The following EXTL2 variants were observed in gnomAD, a reference collection of about 807,000 sequenced individuals.
The protein encoded by EXTL2 is exostosin-like 2.
A neutral mutation model predicts 30.7 loss-of-function variants in EXTL2; 23 were observed. That is an observed-to-expected ratio of 0.75 (90% CI 0.54 to 1.06). The LOEUF (loss-of-function observed/expected upper bound fraction) is 1.06. Among genes scored for constraint, EXTL2 ranks in the 50% least tolerant of loss-of-function variants. The pLI, the probability that EXTL2 is intolerant of heterozygous loss-of-function variation, is 0.00. For synonymous variants in EXTL2, 123 were observed against 133.8 expected (o/e 0.92, Z 0.56); for missense variants, 352 against 396.3 (o/e 0.89, Z 0.95).
At chr1:100,893,831 C>G (rs1350664826) in intron 1 of EXTL2, among the ~76,000 whole-genome samples, 1 of 152,062 alleles carries the variant, frequency 6.6e-6, no homozygotes, top group Admixed American at 6.5e-5. Flanking sequence ...ATCACCATCA[C>G]TTTTTGAAAG....
At chr1:100,879,784 T>A (rs1246820998) in intron 2 of EXTL2, among the ~76,000 whole-genome samples, 1 of 152,178 alleles carries the variant, frequency 6.6e-6, no homozygotes, top group Non-Finnish European at 1.5e-5. Context: ...CCCCTCTTCT[T>A]GGAAAAGTGA....
chr1:100,892,904 A>G (rs1033809025), intron 1 of EXTL2, among the ~76,000 whole-genome samples: 5 of 152,220 alleles, frequency 3.3e-5, no homozygotes, highest in Non-Finnish European at 4.4e-5. Flanking sequence ...GATAAATGCC[A>G]GGGTTGATTA....
At chr1:100,876,217 T>C (rs1439747836) in intron 4 of EXTL2, among the ~76,000 whole-genome samples, 1 of 152,068 alleles carries the variant, frequency 6.6e-6, no homozygotes, top group African/African-American at 2.4e-5. Flanking sequence ...CTAACACATA[T>C]TCAATAGGAG....
At chr1:100,891,138 A>G (rs936740353) in intron 1 of EXTL2, among the ~76,000 whole-genome samples, 2 of 152,224 alleles carry the variant, frequency 1.3e-5, no homozygotes, top group Non-Finnish European at 2.9e-5. Context: ...AATAAAGAAT[A>G]TATCTATATT....
chr1:100,885,230 T>C (rs1649867020), intron 2 of EXTL2, among the ~76,000 whole-genome samples: 1 of 152,180 alleles, frequency 6.6e-6, no homozygotes, highest in African/African-American at 2.4e-5. Context: ...TTTTTTCACA[T>C]CTTTTCAAAG....
At position 100,874,272 on chromosome 1, in the gene EXTL2, T is replaced by A; in HGVS notation, c.663A>T (p.Lys221Asn). The change falls in exon 5 of 5, where the codon AAA becomes AAT. Residue 221 changes from lysine (K) to asparagine (N), a missense_variant. Coordinates refer to ENST00000370114, the MANE Select transcript of EXTL2 (RefSeq NM_001033025.3). ...GTTGCCTCTGAAATAATTCAAGATA[T>A]TTGCTATTGAAGAATGAGGCTCCAA... ...VLIGASFFNS[K>N]YLELFQRQPA... 1 of 1,612,846 alleles carries A rather than the reference T, an allele frequency of 6.2e-7. No individual in the cohort carries two copies. The highest frequency in any genetic ancestry group is 1.7e-5 in the Admixed American group (1 of 59,804).
intron 1 of EXTL2, among the ~76,000 whole-genome samples, chr1:100,890,637 CCA>C (rs1650354409): frequency 1.3e-5 from 2 of 152,208 alleles, no homozygotes; most frequent in South Asian, 4.1e-4. Flanking sequence ...GAGCAAAATG[CCA>C]CCAGCCTCTT....
chr1:100,881,656 C>T (rs1203777627), intron 2 of EXTL2, among the ~76,000 whole-genome samples: 3 of 152,206 alleles, frequency 2.0e-5, no homozygotes, highest in African/African-American at 7.2e-5. Flanking sequence ...GTAAATATAA[C>T]TTTGATAAAT....
chr1:100,873,777 C>T lies in EXTL2; in HGVS notation c.*165G>A. Reference sequence around the variant, plus strand: ...TGGATAAGACCAACTTCTTGGCTTTCAAAAGTAATGTGAATTTTATATCCT... The same window carrying T: ...TGGATAAGACCAACTTCTTGGCTTTTAAAAGTAATGTGAATTTTATATCCT... On this transcript the variant is annotated 3_prime_UTR_variant, in exon 5 of 5. Coordinates refer to ENST00000370114, the MANE Select transcript of EXTL2 (RefSeq NM_001033025.3). 2.9e-6 allele frequency: 2 copies of T among 680,842 alleles called. No individual in the cohort carries two copies. Among genetic ancestry groups the T allele is most frequent in the Non-Finnish European group, 2.3e-6 (1 of 431,970 alleles). 42.2% of individuals were successfully genotyped at this position (680,842 alleles called of 1,614,324 possible). A position where few individuals can be genotyped will look rare whatever the true frequency, so the allele number is the denominator to read the frequency against.
At chr1:100,893,946 C>G (rs1402624599) in intron 1 of EXTL2, among the ~76,000 whole-genome samples, 1 of 152,118 alleles carries the variant, frequency 6.6e-6, no homozygotes, top group African/African-American at 2.4e-5. Context: ...ACTTCAATTT[C>G]TCGTACCCAT....
At position 100,877,554 on chromosome 1, in the gene EXTL2, T is replaced by G; in HGVS notation, c.355A>C (p.Ile119Leu). ...GTCTGTTGTTTGAAGATCACAGGGA[T>G]AGGGTGGGGCCCTAGAGAATTCCAT... is the stretch of plus-strand genomic sequence containing the variant. Reference protein sequence around the residue: ...ELWNSLGPHPIPVIFKQQTAN... With the variant: ...ELWNSLGPHPLPVIFKQQTAN... The change falls in exon 3 of 5, where the codon ATC becomes CTC. Residue 119 changes from isoleucine (I) to leucine (L), a missense_variant. Ile to Leu is a conservative substitution (Grantham distance 5). Coordinates refer to ENST00000370114, the MANE Select transcript of EXTL2 (RefSeq NM_001033025.3). The surrounding 1 kb of genome is among the most constrained non-coding windows in gnomAD (Gnocchi z 4.1). The G allele has an allele frequency of 1.2e-6, 2 of 1,613,340 alleles. No homozygotes were observed. Among genetic ancestry groups the G allele is most frequent in the Non-Finnish European group, 1.7e-6 (2 of 1,179,562 alleles).
chr1:100,888,732 C>T (rs758284425), intron 2 of EXTL2, 21 bp downstream of exon 2: 5 of 1,452,532 alleles, frequency 3.4e-6, no homozygotes, highest in African/African-American at 1.4e-5. Context: ...TAAACAAAAG[C>T]CAAAAAATAT....
Position 100,876,785 on chromosome 1 carries a change from C to A in EXTL2, c.504+9G>T. ...AAAGACGGTTTCATAAAAGAGACAG[C>A]AACATTACCTGCCAAACTGAGAAAG... On this transcript the variant is annotated intron_variant, in intron 4 of 4. Transcript: ENST00000370114. 8.7e-6 allele frequency: 14 copies of A among 1,606,916 alleles called. No homozygotes were observed. The highest frequency in any genetic ancestry group is 1.2e-5 in the Non-Finnish European group (14 of 1,174,214).
Position 100,874,151 on chromosome 1 carries a change from T to C in EXTL2, c.784A>G (p.Ile262Val). The C allele has an allele frequency of 6.2e-7, 1 of 1,613,028 alleles. No individual in the cohort carries two copies. The highest frequency in any genetic ancestry group is 1.1e-5 in the South Asian group (1 of 91,050). Residue 262 changes from isoleucine (I) to valine (V), a missense_variant, in exon 5 of 5, where the codon ATA (isoleucine) becomes GTA (valine). Physicochemically the swap from Ile to Val is conservative, Grantham distance 29. Coordinates refer to ENST00000370114, the MANE Select transcript of EXTL2 (RefSeq NM_001033025.3). ...IAKHIGKTSG[I>V]FVKPVNMDNL... ...TCCATGTTTACAGGCTTCACAAATA[T>C]CCCTGAAGTCTTGCCAATATGCTTG...
At chr1:100,889,391 G>T (rs1412800854) in intron 1 of EXTL2, among the ~76,000 whole-genome samples, 1 of 152,182 alleles carries the variant, frequency 6.6e-6, no homozygotes, top group East Asian at 1.9e-4. Context: ...AATTCAAAAT[G>T]AGATTTGGGT....
Position 100,877,266 on chromosome 1 carries a change from C to T in EXTL2, c.433+210G>A, listed in dbSNP as rs764842155. On this transcript the variant is annotated intron_variant, in intron 3 of 4. Transcript: ENST00000370114. The surrounding 1 kb of genome is among the most constrained non-coding windows in gnomAD (Gnocchi z 4.1). ...GTAATGCAATCATATGTAATTATAGCATATCCTTTATTACAATATTAACCT... is the reference window on the plus strand; with the variant it reads ...GTAATGCAATCATATGTAATTATAGTATATCCTTTATTACAATATTAACCT... 2.0e-5 allele frequency among the ~76,000 whole-genome samples: 3 copies of T among 152,116 alleles called. No homozygotes were observed. The highest frequency in any genetic ancestry group is 4.4e-5 in the Non-Finnish European group (3 of 67,992).
At chr1:100,875,090 C>A (rs1313435426) in intron 4 of EXTL2, among the ~76,000 whole-genome samples, 1 of 151,658 alleles carries the variant, frequency 6.6e-6, no homozygotes. Context: ...ATGAGCATGA[C>A]TAAAAATAAA....
chr1:100,879,539 T>C (rs1461627564), intron 2 of EXTL2, among the ~76,000 whole-genome samples: 1 of 152,200 alleles, frequency 6.6e-6, no homozygotes, highest in Non-Finnish European at 1.5e-5. Context: ...ATGTTATTCT[T>C]GGTGACCTTA....
At chr1:100,881,139 G>T in intron 2 of EXTL2, 1 of 629,584 alleles carries the variant, frequency 1.6e-6, no homozygotes, top group Non-Finnish European at 2.0e-6. Flanking sequence ...ATTAAATAAT[G>T]CAACCCAATA....
Sources: allele counts gnomAD v4.1 joint callset (sites outside exome capture counted in the v4.1 genomes callset), GRCh38; gene constraint gnomAD v4.1.1; non-coding constraint Gnocchi (gnomAD v3.1); transcripts MANE v1.5; gene names NCBI Gene and HGNC (gene_info 2026-07-23, HGNC 2026-07-21).